VRK2: variants seen among roughly 807,000 people sequenced by gnomAD.
VRK2 encodes VRK serine/threonine kinase 2, also known as serine/threonine-protein kinase VRK2.
In VRK2, 60 loss-of-function variants were observed where a neutral mutation model predicts 57.6. The ratio of observed to expected loss-of-function variants is 1.04; its 90% CI spans 0.85 to 1.29. The LOEUF (loss-of-function observed/expected upper bound fraction) is 1.29. Among genes scored for constraint, VRK2 ranks in the 50% most tolerant of loss-of-function variants. The probability of loss-of-function intolerance (pLI) is 0.00; values close to 1 mark genes in which losing one functional copy is unlikely to be tolerated. For synonymous variants in VRK2, 231 were observed against 199.2 expected (o/e 1.16, Z -1.35); for missense variants, 705 against 588.1 (o/e 1.20, Z -2.06).
At chr2:58,031,106 A>G (rs1256362204) in intron 2 of VRK2, among the ~76,000 whole-genome samples, 1 of 152,078 alleles carries the variant, frequency 6.6e-6, no homozygotes, top group Non-Finnish European at 1.5e-5. Context: ...ATATGTGAGT[A>G]TGATAACATA....
At chr2:58,101,897 T>G (rs1674018729) in intron 7 of VRK2, among the ~76,000 whole-genome samples, 1 of 151,700 alleles carries the variant, frequency 6.6e-6, no homozygotes, top group Non-Finnish European at 1.5e-5. Context: ...TAATAAGCAT[T>G]CAATAAGTGA....
At chr2:58,085,991 C>A (rs1403045474) in intron 4 of VRK2, among the ~76,000 whole-genome samples, 1 of 144,586 alleles carries the variant, frequency 6.9e-6, no homozygotes. Flanking sequence ...GAAGAAAAAG[C>A]CATCTCTCTA....
downstream of VRK2, chr2:58,159,873 AGT>A (rs1684839952): frequency 6.3e-7 from 1 of 1,596,938 alleles, no homozygotes; most frequent in Non-Finnish European, 8.5e-7. Flanking sequence ...TACTAGAAAT[AGT>A]GTCATAGAAT....
chr2:58,146,931 A>G (rs183925684), intron 12 of VRK2, among the ~76,000 whole-genome samples: 7 of 152,078 alleles, frequency 4.6e-5, no homozygotes, highest in Non-Finnish European at 7.4e-5. Context: ...GACTCATTCA[A>G]GTAACAGCAA....
Position 58,143,015 on chromosome 2 carries a change from T to C in VRK2, c.1023+3183T>C, listed in dbSNP as rs557647671. Among the ~76,000 whole-genome samples the C allele has an allele frequency of 6.6e-5, 10 of 151,978 alleles. No individual in the cohort carries two copies. In the South Asian group the frequency reaches 2.1e-3, roughly 32 times the overall value. On this transcript the variant is annotated intron_variant, in intron 11 of 12. Transcript: ENST00000340157. ...AGGTTGTCCCTTCATTCACCTTAAA[T>C]CTGAGGCTCCCATAGCATATCCAGA...
At chr2:57,958,138 T>C (rs1302670641) in intron 1 of VRK2, among the ~76,000 whole-genome samples, 4 of 152,160 alleles carry the variant, frequency 2.6e-5, no homozygotes, top group Non-Finnish European at 4.4e-5. Context: ...AATCAGATTT[T>C]ACTAAGAGGA....
intron 2 of VRK2, among the ~76,000 whole-genome samples, chr2:58,081,179 A>G (rs563503658): frequency 1.8e-4 from 28 of 152,116 alleles, no homozygotes; most frequent in African/African-American, 5.5e-4. Context: ...CTCAGTGCCA[A>G]ATCATTAAGT....
intron 1 of VRK2, among the ~76,000 whole-genome samples, chr2:57,937,544 G>A (rs950199012): frequency 2.6e-5 from 4 of 152,124 alleles, no homozygotes; most frequent in African/African-American, 7.2e-5. Flanking sequence ...TATTTACATG[G>A]TAATTATATA....
At chr2:57,981,528 C>A (rs1277240638) in intron 1 of VRK2, among the ~76,000 whole-genome samples, 2 of 152,102 alleles carry the variant, frequency 1.3e-5, no homozygotes, top group Non-Finnish European at 2.9e-5. Context: ...GATGAGTCAT[C>A]TTGTGTAGTA....
At chr2:58,064,471 A>G (rs940308982) in intron 2 of VRK2, among the ~76,000 whole-genome samples, 6 of 152,170 alleles carry the variant, frequency 3.9e-5, no homozygotes, top group Non-Finnish European at 2.9e-5. Flanking sequence ...TTTTTTTAGC[A>G]ATAAAATATT....
Position 58,159,449 on chromosome 2 carries a change from C to G in VRK2, c.1283C>G (p.Ser428Ter). 1 of 1,613,682 alleles carries G rather than the reference C, an allele frequency of 6.2e-7. No homozygotes were observed. Among genetic ancestry groups the G allele is most frequent in the Non-Finnish European group, 8.5e-7 (1 of 1,179,738 alleles). ...ATCAGCTATACACAATTCCCAAACT[C>G]ATTTTATGAGCCTCATCAAGATTTT... The part of the protein sequence containing the change: ...QKISYTQFPN[S>*]FYEPHQDFTS... The change falls in exon 13 of 13, where the codon TCA (serine) becomes TGA (stop). Residue 428 changes from serine (S) to a stop codon, truncating the protein, a stop_gained. Transcript: ENST00000340157. LOFTEE classifies it low-confidence loss of function (END_TRUNC).
At chr2:57,969,785 G>C (rs954965711) in intron 1 of VRK2, among the ~76,000 whole-genome samples, 13 of 152,124 alleles carry the variant, frequency 8.5e-5, no homozygotes, top group African/African-American at 2.4e-4. Context: ...TGCTTAAGCA[G>C]CTTAAGAAAT....
chr2:58,118,894 CG>C (rs994836684), intron 7 of VRK2, among the ~76,000 whole-genome samples: 4 of 151,868 alleles, frequency 2.6e-5, no homozygotes, highest in Non-Finnish European at 5.9e-5. Flanking sequence ...TGGGCAGGGG[CG>C]GGGGTCACAA....
At chr2:57,917,518 T>C (rs1377203731) in intron 1 of VRK2, among the ~76,000 whole-genome samples, 1 of 149,788 alleles carries the variant, frequency 6.7e-6, no homozygotes, top group African/African-American at 2.5e-5. Context: ...TATATGTGTA[T>C]TTTATTATCT....
rs187987148 is a variant in VRK2 at position 58,027,090 on chromosome 2, T to C, written c.-333+1320T>C. Among the ~76,000 whole-genome samples the C allele has an allele frequency of 6.9e-4, 105 of 152,174 alleles. 1 individual carries two copies. The highest frequency in any genetic ancestry group is 1.2e-3 in the Non-Finnish European group (83 of 67,990). On this transcript the variant is annotated intron_variant, in intron 2 of 15. Transcript: ENST00000417641. ...TTAAACTTTTATTTAAATAAAGTAATAATAAGTTGAGTAGTAGTAGTGTTT... is the reference window on the plus strand; with the variant it reads ...TTAAACTTTTATTTAAATAAAGTAACAATAAGTTGAGTAGTAGTAGTGTTT...
At chr2:57,959,523 T>G (rs1671690419) in intron 1 of VRK2, among the ~76,000 whole-genome samples, 1 of 152,184 alleles carries the variant, frequency 6.6e-6, no homozygotes, top group African/African-American at 2.4e-5. Context: ...GAAGCTCCCT[T>G]GGAAAGCTCC....
Position 58,131,824 on chromosome 2 carries a change from T to C in VRK2, c.693T>C (p.Ser231=). The C allele has an allele frequency of 6.2e-7, 1 of 1,613,016 alleles. No individual in the cohort carries two copies. Among genetic ancestry groups the C allele is most frequent in the East Asian group, 2.2e-5 (1 of 44,882 alleles). Reference sequence around the variant, plus strand: ...CTCCTATAGCCTTGTCCAGACGAAGTGACGTTGAGATCCTCGGCTACTGCA... The same window carrying C: ...CTCCTATAGCCTTGTCCAGACGAAGCGACGTTGAGATCCTCGGCTACTGCA... The part of the protein sequence containing the change: ...AHKGVALSRR[S]DVEILGYCML... The change falls in exon 9 of 13, where the codon AGT becomes AGC. Residue 231 remains serine, a synonymous_variant. Coordinates refer to ENST00000340157, the MANE Select transcript of VRK2 (RefSeq NM_006296.7).
At chr2:58,088,200 C>A in intron 5 of VRK2, 141 bp from the exon 6 acceptor site, 1 of 634,630 alleles carries the variant, frequency 1.6e-6, no homozygotes, top group Non-Finnish European at 2.8e-6. Flanking sequence ...GAATTATGAA[C>A]GTGCATTCAT....
At chr2:58,159,897 A>T (rs1286254559), downstream of VRK2, 1 of 1,562,956 alleles carries the variant, frequency 6.4e-7, no homozygotes, top group Non-Finnish European at 8.6e-7. Flanking sequence ...GTGTCATAGT[A>T]CAGTTTGGAA....
Sources: allele counts gnomAD v4.1 joint callset (sites outside exome capture counted in the v4.1 genomes callset), GRCh38; gene constraint gnomAD v4.1.1; transcripts MANE v1.5; gene names NCBI Gene and HGNC (gene_info 2026-07-23, HGNC 2026-07-21).